RGS6: variants seen among roughly 807,000 people sequenced by gnomAD.
RGS6 encodes regulator of G protein signaling 6, also known as regulator of G-protein signaling 6.
A neutral mutation model predicts 78.5 loss-of-function variants in RGS6; 30 were observed. The observed-to-expected ratio is 0.38, with a 90% CI of 0.29 to 0.52. RGS6 has a LOEUF of 0.52. Among genes scored for constraint, RGS6 ranks in the 20% least tolerant of loss-of-function variants. RGS6 has a pLI of 0.85. For missense variants in RGS6, 495 were observed against 609.7 expected, an observed-to-expected ratio of 0.81 and a Z score of 1.98; for synonymous variants, 206 against 206.0, an observed-to-expected ratio of 1.00 and a Z score of 0.00.
chr14:72,147,293 C>A (rs541503846), intron 2 of RGS6, among the ~76,000 whole-genome samples: 1 of 152,330 alleles, frequency 6.6e-6, no homozygotes, highest in Admixed American at 6.5e-5. Context: ...AATAAACCCT[C>A]TTCTCGATAC....
At chr14:72,581,393 T>C in the RGS6 span, among the ~76,000 whole-genome samples, 1 of 152,110 alleles carries the variant, frequency 6.6e-6, no homozygotes, top group Non-Finnish European at 1.5e-5. Context: ...TCTTCCCCAC[T>C]GCCACTCAAG....
intron 2 of RGS6, among the ~76,000 whole-genome samples, chr14:72,137,612 C>G (rs1019516369): frequency 2.0e-5 from 3 of 152,210 alleles, no homozygotes; most frequent in African/African-American, 7.2e-5. Context: ...AAATGCTTTA[C>G]TTGCTACTGC....
chr14:72,194,944 C>T (rs1454514838), intron 2 of RGS6, among the ~76,000 whole-genome samples: 1 of 152,062 alleles, frequency 6.6e-6, no homozygotes, highest in Admixed American at 6.5e-5. Context: ...CAGTGGCTCA[C>T]ACCTGTCAAT....
chr14:72,006,856 G>T (rs116006433), intron 2 of RGS6, among the ~76,000 whole-genome samples: 1 of 152,180 alleles, frequency 6.6e-6, no homozygotes, highest in Admixed American at 6.5e-5. Context: ...GAGGCAGCGG[G>T]CTGTGGAAAA....
the RGS6 span, among the ~76,000 whole-genome samples, chr14:71,910,269 T>C: frequency 6.6e-6 from 1 of 152,146 alleles, no homozygotes; most frequent in East Asian, 1.9e-4. Flanking sequence ...GTGCTTCCCC[T>C]TTGCTTCCCA....
intron 3 of RGS6, among the ~76,000 whole-genome samples, chr14:72,406,328 G>C (rs924442319): frequency 3.3e-5 from 5 of 152,110 alleles, no homozygotes; most frequent in Non-Finnish European, 7.4e-5. Flanking sequence ...AGGTTGCAGT[G>C]AGATGAGATC....
chr14:72,077,417 T>C (rs2094620465), intron 2 of RGS6, among the ~76,000 whole-genome samples: 1 of 152,228 alleles, frequency 6.6e-6, no homozygotes, highest in African/African-American at 2.4e-5. Context: ...TTTTCGTTCC[T>C]TCATAAATGC....
chr14:72,396,131 T>C (rs2091199559), intron 3 of RGS6, among the ~76,000 whole-genome samples: 1 of 152,226 alleles, frequency 6.6e-6, no homozygotes, highest in African/African-American at 2.4e-5. Context: ...ATGGTTGAAC[T>C]AGTTTACAGT....
intron 2 of RGS6, among the ~76,000 whole-genome samples, chr14:72,350,507 A>C (rs1281384791): frequency 6.6e-6 from 1 of 152,156 alleles, no homozygotes; most frequent in Non-Finnish European, 1.5e-5. Context: ...CTATGTGACC[A>C]GTTCTGGCCA....
intron 2 of RGS6, among the ~76,000 whole-genome samples, chr14:72,073,352 G>T (rs1460841166): frequency 2.0e-5 from 3 of 151,994 alleles, no homozygotes; most frequent in Admixed American, 2.0e-4. Context: ...GCATATTTTT[G>T]GTCCTAAAAG....
chr14:71,914,424 T>C, the RGS6 span, among the ~76,000 whole-genome samples: 2 of 152,120 alleles, frequency 1.3e-5, no homozygotes, highest in African/African-American at 4.8e-5. Flanking sequence ...ACTTTTCTTA[T>C]CTTTCCTTTT....
intron 2 of RGS6, among the ~76,000 whole-genome samples, chr14:72,179,376 G>A (rs2153696161): frequency 6.6e-6 from 1 of 152,272 alleles, no homozygotes; most frequent in Middle Eastern, 3.4e-3. Flanking sequence ...CGGTCTCCCT[G>A]AGCTGGCAAG....
At chr14:72,494,729 G>A (rs376531433) in intron 12 of RGS6, among the ~76,000 whole-genome samples, 57 of 152,262 alleles carry the variant, frequency 3.7e-4, no homozygotes, top group East Asian at 1.2e-3. Flanking sequence ...AAGTCCTTCC[G>A]TTGGGAATGC....
intron 3 of RGS6, among the ~76,000 whole-genome samples, chr14:72,422,268 G>A (rs1037269992): frequency 6.6e-6 from 1 of 152,110 alleles, no homozygotes; most frequent in African/African-American, 2.4e-5. Flanking sequence ...CATGAAAATG[G>A]ACTAATACAA....
intron 2 of RGS6, among the ~76,000 whole-genome samples, chr14:72,204,252 T>A (rs1189791378): frequency 1.3e-5 from 2 of 152,230 alleles, no homozygotes; most frequent in Non-Finnish European, 2.9e-5. Flanking sequence ...TACAGTGTTT[T>A]TGCAACCTAA....
intron 3 of RGS6, chr14:72,421,537 G>C (rs952433994): frequency 6.6e-6 from 1 of 152,052 alleles, no homozygotes; most frequent in Non-Finnish European, 1.5e-5. Context: ...GAGAAAAGAG[G>C]ATTTAGTTTC....
the RGS6 span, among the ~76,000 whole-genome samples, chr14:71,918,772 C>T: frequency 1.3e-5 from 2 of 152,176 alleles, no homozygotes; most frequent in Non-Finnish European, 2.9e-5. Flanking sequence ...TGAAGTTTAA[C>T]CCCCTAACAA....
At chr14:72,083,314 T>C (rs904722880) in intron 2 of RGS6, among the ~76,000 whole-genome samples, 1 of 152,130 alleles carries the variant, frequency 6.6e-6, no homozygotes, top group Non-Finnish European at 1.5e-5. Context: ...GGAAACATCT[T>C]TGTGCTCGCT....
chr14:72,468,958 G>C (rs1050704361), intron 7 of RGS6, among the ~76,000 whole-genome samples: 1 of 152,010 alleles, frequency 6.6e-6, no homozygotes, highest in Non-Finnish European at 1.5e-5. Flanking sequence ...ATTCGTGTTG[G>C]CATGAGCTCT....
Sources: allele counts gnomAD v4.1 joint callset (sites outside exome capture counted in the v4.1 genomes callset), GRCh38; gene constraint gnomAD v4.1.1; transcripts MANE v1.5; gene names NCBI Gene and HGNC (gene_info 2026-07-23, HGNC 2026-07-21).